Variants in NRG2 observed in about 807,000 individuals in gnomAD.
NRG2 encodes neuregulin 2.
In NRG2, 27 loss-of-function variants were observed where a neutral mutation model predicts 73.9. The ratio of observed to expected loss-of-function variants is 0.37; its 90% CI spans 0.27 to 0.50. The LOEUF is 0.50. NRG2 is among the 20% of genes least tolerant of loss of function. The pLI, the probability that NRG2 is intolerant of heterozygous loss-of-function variation, is 0.96. For synonymous variants in NRG2, 532 were observed against 541.0 expected (o/e 0.98, Z 0.23); for missense variants, 1,126 against 1,210.1 (o/e 0.93, Z 1.03).
rs1762029934 is a variant in NRG2 at position 139,859,761 on chromosome 5, G to A, written c.1190-3983C>T. The A allele has an allele frequency of 2.7e-5, 25 of 934,304 alleles. No individual in the cohort carries two copies. The East Asian group carries it at 6.0e-4, about 22-fold the overall frequency. The allele number at this position is 934,304 out of a possible 1,614,324, so 57.9% of individuals were successfully genotyped here. ...TGATAGGACATCTCGATGGGGCCAGGAGAGATTTTTGGAATCATCCCTTTT... is the reference window on the plus strand; with the variant it reads ...TGATAGGACATCTCGATGGGGCCAGAAGAGATTTTTGGAATCATCCCTTTT... On this transcript the variant is annotated intron_variant, in intron 5 of 9. Coordinates refer to ENST00000361474, the MANE Select transcript of NRG2 (RefSeq NM_004883.3).
chr5:139,880,195 G>A (rs911594919), intron 3 of NRG2, among the ~76,000 whole-genome samples: 2 of 152,156 alleles, frequency 1.3e-5, no homozygotes, highest in South Asian at 2.1e-4. Flanking sequence ...TAGTTTTGGC[G>A]GAGAGGCAAT....
intron 1 of NRG2, among the ~76,000 whole-genome samples, chr5:139,922,096 AAACTT>A (rs1561681611): frequency 6.6e-6 from 1 of 151,718 alleles, no homozygotes; most frequent in Non-Finnish European, 1.5e-5. Flanking sequence ...AAAAAATTAA[AAACTT>A]CTCCTCTACA....
At chr5:139,996,150 TA>T (rs1363054735) in intron 1 of NRG2, among the ~76,000 whole-genome samples, 2 of 152,190 alleles carry the variant, frequency 1.3e-5, no homozygotes, top group African/African-American at 4.8e-5. Context: ...AGAAAATGAG[TA>T]AGCAAAAAGA....
intron 1 of NRG2, among the ~76,000 whole-genome samples, chr5:139,912,033 G>A (rs891034690): frequency 3.9e-5 from 6 of 152,222 alleles, no homozygotes; most frequent in Non-Finnish European, 7.4e-5. Context: ...GTTGTCCCCC[G>A]CTGTGGCTCC....
chr5:139,980,432 G>A (rs1008957598), intron 1 of NRG2, among the ~76,000 whole-genome samples: 1 of 151,894 alleles, frequency 6.6e-6, no homozygotes, highest in Non-Finnish European at 1.5e-5. Flanking sequence ...CTTGAAGTCA[G>A]AGTCCAAGCC....
In NRG2 at chr5:139,853,009, C is replaced by T; in HGVS notation, c.1311G>A (p.Met437Ile). 6.2e-7 allele frequency: 1 copy of T among 1,613,478 alleles called. No homozygotes were observed. Among genetic ancestry groups the T allele is most frequent in the Non-Finnish European group, 8.5e-7 (1 of 1,179,774 alleles). ...ACATGTTCTGCCGGAGGTGGTTGTG[C>T]ATCTGCTTCCGCTGTTTTCTGCACA... is the stretch of plus-strand genomic sequence containing the variant. ...YCKTKKQRKQ[M>I]HNHLRQNMCP... is the part of the protein sequence containing the mutation. The change falls in exon 7 of 10, where the codon ATG becomes ATA. Residue 437 changes from methionine (M) to isoleucine (I), a missense_variant. By Grantham distance (10) the Met-to-Ile change is conservative. Transcript: ENST00000361474. This position sits in a 1 kb window ranked among gnomAD's most constrained non-coding sequence, Gnocchi z 4.1.
Position 139,884,237 on chromosome 5 carries a change from G to A in NRG2, c.872+3103C>T, listed in dbSNP as rs6883739. Among the ~76,000 whole-genome samples the A allele has an allele frequency of 5.9e-3, 906 of 152,302 alleles. 10 individuals are homozygous for A. The highest frequency in any genetic ancestry group is 0.021 in the African/African-American group (873 of 41,550). On this transcript the variant is annotated intron_variant, in intron 2 of 9. Transcript: ENST00000361474. ...TGAAGCCATGTCTAAGGCACCATGG[G>A]AGGAGACAATGAGAGCTGCCTAGAG...
rs966220299 is a variant in NRG2, at chr5:139,887,981, G to A, written c.701-470C>T. On this transcript the variant is annotated intron_variant, in intron 1 of 9. Transcript: ENST00000361474. This position sits in a 1 kb window ranked among gnomAD's most constrained non-coding sequence, Gnocchi z 4.5. ...TACTGGTGGGCTCAGGCCCAATCAC[G>A]GATGCAAAGCTGCAAATGCCAAGCT... is the stretch of plus-strand genomic sequence containing the variant. Among the ~76,000 whole-genome samples the A allele has an allele frequency of 1.3e-5, 2 of 152,218 alleles. No individual in the cohort carries two copies. The highest frequency in any genetic ancestry group is 2.4e-5 in the African/African-American group (1 of 41,530).
At chr5:140,014,256 A>T (rs1017859818) in intron 1 of NRG2, among the ~76,000 whole-genome samples, 3 of 151,432 alleles carry the variant, frequency 2.0e-5, no homozygotes, top group African/African-American at 7.3e-5. Flanking sequence ...TTTTTTTCTG[A>T]GACAGAGTCT....
intron 2 of NRG2, among the ~76,000 whole-genome samples, chr5:139,885,364 G>C (rs961659109): frequency 6.6e-6 from 1 of 152,248 alleles, no homozygotes; most frequent in African/African-American, 2.4e-5. Flanking sequence ...AGGCCGCTGA[G>C]AGGCCTGGAG....
In NRG2 at chr5:139,853,745, A is replaced by G. The variant is rs1177255333; in HGVS notation, c.1293-718T>C. Among the ~76,000 whole-genome samples the G allele has an allele frequency of 6.6e-6, 1 of 151,772 alleles. No individual in the cohort carries two copies. Among genetic ancestry groups the G allele is most frequent in the Non-Finnish European group, 1.5e-5 (1 of 67,946 alleles). On this transcript the variant is annotated intron_variant, in intron 6 of 9. Transcript: ENST00000361474. The surrounding 1 kb of genome is among the most constrained non-coding windows in gnomAD (Gnocchi z 4.1). ...TCATTGTGAACTCACGGAGATAGAG[A>G]GTAGAAGGATGGTTACCAGAGGCTG...
intron 1 of NRG2, among the ~76,000 whole-genome samples, chr5:140,001,856 C>T (rs1399961857): frequency 6.6e-6 from 1 of 152,038 alleles, no homozygotes; most frequent in Admixed American, 6.6e-5. Context: ...GAGTAAGACC[C>T]TGTCTCTAAA....
At chr5:139,993,171 T>G (rs2126599885) in intron 1 of NRG2, among the ~76,000 whole-genome samples, 1 of 152,190 alleles carries the variant, frequency 6.6e-6, no homozygotes, top group Non-Finnish European at 1.5e-5. Flanking sequence ...TAAATTACCT[T>G]TAGGGAGAAC....
chr5:139,878,654 A>T (rs1048938863), intron 3 of NRG2, among the ~76,000 whole-genome samples: 2 of 152,190 alleles, frequency 1.3e-5, no homozygotes, highest in African/African-American at 4.8e-5. Flanking sequence ...ATCCCTTAAG[A>T]TAGGCTTAAG....
chr5:140,009,237 TG>T (rs1309443038), intron 1 of NRG2, among the ~76,000 whole-genome samples: 2 of 152,226 alleles, frequency 1.3e-5, no homozygotes, highest in African/African-American at 4.8e-5. Flanking sequence ...GCTGCAGAGC[TG>T]GACACATGGA....
chr5:140,009,868 A>G (rs1215899312), intron 1 of NRG2, among the ~76,000 whole-genome samples: 1 of 152,228 alleles, frequency 6.6e-6, no homozygotes, highest in Non-Finnish European at 1.5e-5. Context: ...AAGCTTACAT[A>G]TTACATCATT....
rs1178732936 is a variant in NRG2 at position 139,848,278 on chromosome 5, CCG to C, written c.2190_2191del (p.Gly731CysfsTer164). 3.1e-4 allele frequency: 347 copies of C among 1,108,970 alleles called. No individual in the cohort carries two copies. The highest frequency in any genetic ancestry group is 1.7e-3 in the East Asian group (36 of 20,590). The allele number at this position is 1,108,970 out of a possible 1,614,324, so 68.7% of individuals were successfully genotyped here. ...CCCCGCCGACGTCCTGCGGGACGCA[CCG>C]CGCGCGCGCGGCCGCGGCGGCGGCG... On this transcript the variant is annotated frameshift_variant, in exon 10 of 10. Transcript: ENST00000361474. LOFTEE classifies it high-confidence loss of function.
intron 1 of NRG2, among the ~76,000 whole-genome samples, chr5:139,976,814 G>A (rs1412795545): frequency 1.3e-5 from 2 of 152,198 alleles, no homozygotes; most frequent in Non-Finnish European, 2.9e-5. Context: ...CCCTCCTTCT[G>A]AGCAGGAGTC....
intron 1 of NRG2, among the ~76,000 whole-genome samples, chr5:139,965,162 A>C (rs1755398813): frequency 6.6e-6 from 1 of 151,966 alleles, no homozygotes; most frequent in Non-Finnish European, 1.5e-5. Flanking sequence ...ACCTCCTCCC[A>C]CCCTAGGCAC....
Sources: allele counts gnomAD v4.1 joint callset (sites outside exome capture counted in the v4.1 genomes callset), GRCh38; gene constraint gnomAD v4.1.1; non-coding constraint Gnocchi (gnomAD v3.1); transcripts MANE v1.5; gene names NCBI Gene and HGNC (gene_info 2026-07-23, HGNC 2026-07-21).